COL7A1: variants seen among roughly 807,000 people sequenced by gnomAD.
COL7A1 encodes collagen alpha-1(VII) chain.
Under a neutral mutation model 456.2 loss-of-function variants are expected in COL7A1, and 296 were observed. The ratio of observed to expected loss-of-function variants is 0.65; its 90% CI spans 0.59 to 0.71. The LOEUF (loss-of-function observed/expected upper bound fraction) is 0.71, where lower values mean the gene tolerates loss of function less well. Among genes scored for constraint, COL7A1 ranks in the 30% least tolerant of loss-of-function variants. The pLI, the probability that COL7A1 is intolerant of heterozygous loss-of-function variation, is 0.00. For missense variants in COL7A1, 3,441 were observed against 4,017.2 expected (o/e 0.86, Z 3.88); for synonymous variants, 1,464 against 1,525.9 (o/e 0.96, Z 0.95).
In COL7A1 at chr3:48,585,257, G is replaced by T; in HGVS notation, c.3895-141C>A. On this transcript the variant is annotated intron_variant, in intron 32 of 118. Transcript: ENST00000681320. The surrounding 1 kb of genome is among the most constrained non-coding windows in gnomAD (Gnocchi z 4.5). Reference sequence around the variant, plus strand: ...ATTGGGGGTGGAACAGTGAGGCAGAGAAATGGCCCCTCAGAGCTTCACAGA... The same window carrying T: ...ATTGGGGGTGGAACAGTGAGGCAGATAAATGGCCCCTCAGAGCTTCACAGA... The T allele has an allele frequency of 1.2e-6, 1 of 867,310 alleles. No individual in the cohort carries two copies. Among genetic ancestry groups the T allele is most frequent in the Admixed American group, 2.3e-5 (1 of 43,314 alleles). 53.7% of individuals were successfully genotyped at this position (867,310 alleles called of 1,614,324 possible). A position where few individuals can be genotyped will look rare whatever the true frequency, so the allele number is the denominator to read the frequency against.
Position 48,570,550 on chromosome 3 carries a change from C to T in COL7A1, c.7345-50G>A. ...TCCTGTGGCTCTCAAAGCGCCTCCC[C>T]CAACACCCCACAGTGTGGCCCGCCC... On this transcript the variant is annotated intron_variant, in intron 96 of 118. Transcript: ENST00000681320. This position sits in a 1 kb window ranked among gnomAD's most constrained non-coding sequence, Gnocchi z 5.5. 1 of 1,613,866 alleles carries T rather than the reference C, an allele frequency of 6.2e-7. No homozygotes were observed. The highest frequency in any genetic ancestry group is 8.5e-7 in the Non-Finnish European group (1 of 1,179,860).
chr3:48,586,668 G>T lies in COL7A1; in HGVS notation c.3298C>A (p.His1100Asn). Residue 1100 changes from histidine (H) to asparagine (N), a missense_variant, in exon 26 of 119, where the codon CAT becomes AAT. His to Asn is a moderately conservative substitution (Grantham distance 68). This residue lies in a region of COL7A1 where 444 missense variants were observed against 427.6 expected (regional missense o/e 1.04). Transcript: ENST00000681320. The surrounding 1 kb of genome is among the most constrained non-coding windows in gnomAD (Gnocchi z 5.1). Reference sequence around the variant, plus strand: ...AGTGGGAACAGTGGGGAGGGCCGATGACTGTAAGACAGCAGGCCAACCTGG... The same window carrying T: ...AGTGGGAACAGTGGGGAGGGCCGATTACTGTAAGACAGCAGGCCAACCTGG... Reference protein sequence around the residue: ...AVQVGLLSYSHRPSPLFPLNG... With the variant: ...AVQVGLLSYSNRPSPLFPLNG... 1.9e-6 allele frequency: 3 copies of T among 1,603,380 alleles called. No individual in the cohort carries two copies. The South Asian group carries it at 3.3e-5, about 18-fold the overall frequency.
Position 48,580,210 on chromosome 3 carries a change from G to T in COL7A1, c.5097+90C>A. 6.4e-7 allele frequency: 1 copy of T among 1,555,150 alleles called. No homozygotes were observed. The highest frequency in any genetic ancestry group is 1.1e-5 in the South Asian group (1 of 87,272). ...GGTGGCCATCCATGCTTCCCACCTGGACCTCCAGACCCCTTGTGTGAAGGC... is the reference window on the plus strand; with the variant it reads ...GGTGGCCATCCATGCTTCCCACCTGTACCTCCAGACCCCTTGTGTGAAGGC... On this transcript the variant is annotated intron_variant, in intron 56 of 118. Transcript: ENST00000681320. The surrounding 1 kb of genome is among the most constrained non-coding windows in gnomAD (Gnocchi z 4.5).
rs144825552 is a variant in COL7A1 at position 48,586,186 on chromosome 3, G to A, written c.3611C>T (p.Ala1204Val). The A allele has an allele frequency of 7.6e-5, 123 of 1,613,370 alleles. 1 individual carries two copies. In the African/African-American group the frequency reaches 1.2e-3, roughly 16 times the overall value. Reference protein sequence around the residue: ...GADPEQLRRLAPGMDSVQTFF... With the variant: ...GADPEQLRRLVPGMDSVQTFF... ...GGTCTGGACAGAGTCCATACCCGGC[G>A]CCAAGCGACGCAGCTGCTCTGGGTC... The change falls in exon 28 of 119, where the codon GCG (alanine) becomes GTG (valine). Residue 1204 changes from alanine (A) to valine (V), a missense_variant. This residue lies in a region of COL7A1 where 2,084 missense variants were observed against 2,501.3 expected (regional missense o/e 0.83). Coordinates refer to ENST00000681320, the MANE Select transcript of COL7A1 (RefSeq NM_000094.4). This position sits in a 1 kb window ranked among gnomAD's most constrained non-coding sequence, Gnocchi z 5.1.
rs570498790 is a variant in COL7A1, at chr3:48,587,290, C to A, written c.3039G>T (p.Gln1013His). ...PQTLPGISSS[Q>H]RVTGLEPGVS... ...CGCCAGGCTCTAGCCCTGTCACCCG[C>A]TGGGAGCTTGAGATCCCTGGAAGTG... Residue 1013 changes from glutamine (Q) to histidine (H), a missense_variant, in exon 24 of 119, where the codon CAG becomes CAT. This residue lies in a region of COL7A1 where 444 missense variants were observed against 427.6 expected (regional missense o/e 1.04). Transcript: ENST00000681320. The surrounding 1 kb of genome is among the most constrained non-coding windows in gnomAD (Gnocchi z 6.1). The A allele has an allele frequency of 2.1e-5, 33 of 1,606,766 alleles. No homozygotes were observed. In the East Asian group the frequency reaches 6.5e-4, roughly 32 times the overall value.
At position 48,579,819 on chromosome 3, in the gene COL7A1, G is replaced by C. The variant is rs371686183; in HGVS notation, c.5125-5C>G. ...GGCTCCAGGTCCTGTGTCTACCTGT[G>C]GGGGGAATGACCAGTGAGAAGAATG... On this transcript the variant is annotated splice_polypyrimidine_tract_variant and splice_region_variant and intron_variant, in intron 57 of 118. Coordinates refer to ENST00000681320, the MANE Select transcript of COL7A1 (RefSeq NM_000094.4). This position sits in a 1 kb window ranked among gnomAD's most constrained non-coding sequence, Gnocchi z 4.4. 3.1e-6 allele frequency: 5 copies of C among 1,614,024 alleles called. No homozygotes were observed. Among genetic ancestry groups the C allele is most frequent in the East Asian group, 2.2e-5 (1 of 44,872 alleles).
chr3:48,566,846 T>C lies in COL7A1; in HGVS notation c.8226+61A>G. The C allele has an allele frequency of 6.3e-7, 1 of 1,578,344 alleles. No homozygotes were observed. Among genetic ancestry groups the C allele is most frequent in the South Asian group, 1.1e-5 (1 of 89,196 alleles). ...TTGGGGCAGGCAGGCTGGAAGATGG[T>C]TATGAGGTTGGAAGGGTAGGGAAGG... On this transcript the variant is annotated intron_variant, in intron 111 of 118. Transcript: ENST00000681320. This position sits in a 1 kb window ranked among gnomAD's most constrained non-coding sequence, Gnocchi z 5.9.
In COL7A1 at chr3:48,568,812, G is replaced by T. The variant is rs866072712; in HGVS notation, c.7730C>A (p.Pro2577Gln). Residue 2577 changes from proline (P) to glutamine (Q), a missense_variant, in exon 104 of 119, where the codon CCA becomes CAA. Physicochemically the swap from Pro to Gln is moderately conservative, Grantham distance 76. Transcript: ENST00000681320. This position sits in a 1 kb window ranked among gnomAD's most constrained non-coding sequence, Gnocchi z 5.2. ...EPGDKGSAGL[P>Q]GLRGLLGPQG... ...GGGTCCCAGGAGTCCACGCAGTCCT[G>T]GCAACCCGGCTGAGCCCTTGTCACC... The T allele has an allele frequency of 6.3e-7, 1 of 1,575,536 alleles. No individual in the cohort carries two copies. Among genetic ancestry groups the T allele is most frequent in the African/African-American group, 1.3e-5 (1 of 74,396 alleles).
chr3:48,564,653 G>T lies in COL7A1; in HGVS notation c.8818+130C>A. The T allele has an allele frequency of 1.7e-6, 2 of 1,161,466 alleles. No individual in the cohort carries two copies. The highest frequency in any genetic ancestry group is 2.4e-6 in the Non-Finnish European group (2 of 819,358). The allele number at this position is 1,161,466 out of a possible 1,614,324, so 71.9% of individuals were successfully genotyped here. A position where few individuals can be genotyped will look rare whatever the true frequency, so the allele number is the denominator to read the frequency against. The stretch of plus-strand genomic sequence containing the variant: ...CTCTTTGGTCTGGGCGTCTGCCCCA[G>T]GTCCCCTACTGCGAGGGAGCGTCTC... On this transcript the variant is annotated intron_variant, in intron 118 of 118. Coordinates refer to ENST00000681320, the MANE Select transcript of COL7A1 (RefSeq NM_000094.4). The surrounding 1 kb of genome is among the most constrained non-coding windows in gnomAD (Gnocchi z 6.0).
Position 48,567,664 on chromosome 3 carries a change from C to T in COL7A1, c.7984-28G>A, listed in dbSNP as rs750087257. On this transcript the variant is annotated intron_variant, in intron 108 of 118. Transcript: ENST00000681320. The surrounding 1 kb of genome is among the most constrained non-coding windows in gnomAD (Gnocchi z 4.3). ...GGAGAAAAAAAGACATGAACTTGGCCCCCGTCCACCCGTGGCCCCCTCATT... is the reference window on the plus strand; with the variant it reads ...GGAGAAAAAAAGACATGAACTTGGCTCCCGTCCACCCGTGGCCCCCTCATT... The T allele has an allele frequency of 1.9e-6, 3 of 1,614,088 alleles. No individual in the cohort carries two copies. In the East Asian group the frequency reaches 6.7e-5, roughly 36 times the overall value.
rs1373297424 is a variant in COL7A1, at chr3:48,591,882, C to T, written c.1357+16G>A. 4 of 1,614,206 alleles carry T rather than the reference C, an allele frequency of 2.5e-6. No homozygotes were observed. Among genetic ancestry groups the T allele is most frequent in the Non-Finnish European group, 3.4e-6 (4 of 1,180,026 alleles). On this transcript the variant is annotated intron_variant, in intron 11 of 118. Coordinates refer to ENST00000681320, the MANE Select transcript of COL7A1 (RefSeq NM_000094.4). This position sits in a 1 kb window ranked among gnomAD's most constrained non-coding sequence, Gnocchi z 7.0. ...TGCCCTGACCCTTGCCTGTCCATCC[C>T]TTCCCCCGCACTGACCAGTCTCACG...
Position 48,583,264 on chromosome 3 carries a change from C to T in COL7A1, c.4438-93G>A. The T allele has an allele frequency of 6.2e-7, 1 of 1,601,818 alleles. No homozygotes were observed. Among genetic ancestry groups the T allele is most frequent in the Non-Finnish European group, 8.5e-7 (1 of 1,172,324 alleles). ...CCAGACAAGGGGTCCCAAACTCCAA[C>T]CACCCCCTCCAAAACCACGACCTCT... On this transcript the variant is annotated intron_variant, in intron 42 of 118. Transcript: ENST00000681320. The surrounding 1 kb of genome is among the most constrained non-coding windows in gnomAD (Gnocchi z 5.1).
Position 48,565,379 on chromosome 3 carries a change from A to T in COL7A1, c.8527+31T>A. On this transcript the variant is annotated intron_variant, in intron 116 of 118. Transcript: ENST00000681320. This position sits in a 1 kb window ranked among gnomAD's most constrained non-coding sequence, Gnocchi z 4.5. ...CCATGTGCGTGTCTCGGCCCCACCC[A>T]TAGCTGCCCCACGGGTTCAGCTGTC... The T allele has an allele frequency of 6.3e-7, 1 of 1,584,392 alleles. No individual in the cohort carries two copies. The highest frequency in any genetic ancestry group is 8.6e-7 in the Non-Finnish European group (1 of 1,164,664).
Position 48,565,638 on chromosome 3 carries a change from G to A in COL7A1, c.8438C>T (p.Ser2813Leu), listed in dbSNP as rs778507083. The A allele has an allele frequency of 6.2e-7, 1 of 1,614,010 alleles. No individual in the cohort carries two copies. Among genetic ancestry groups the A allele is most frequent in the Non-Finnish European group, 8.5e-7 (1 of 1,179,996 alleles). Residue 2813 changes from serine to leucine, a missense_variant and splice_region_variant, in exon 115 of 119, where the codon TCA becomes TTA. By Grantham distance (145) the Ser-to-Leu change is moderately radical. Coordinates refer to ENST00000681320, the MANE Select transcript of COL7A1 (RefSeq NM_000094.4). This position sits in a 1 kb window ranked among gnomAD's most constrained non-coding sequence, Gnocchi z 4.5. ...TCTGGGAGTAGAAAACTACTCACGT[G>A]ATCCAGATGCGATGAACTGGCCCTG... ...ACQGQFIASG[S>L]RPLPSYAADT...
In COL7A1 at chr3:48,588,565, C is replaced by T; in HGVS notation, c.2587+77G>A. On this transcript the variant is annotated intron_variant, in intron 20 of 118. Coordinates refer to ENST00000681320, the MANE Select transcript of COL7A1 (RefSeq NM_000094.4). The surrounding 1 kb of genome is among the most constrained non-coding windows in gnomAD (Gnocchi z 4.6). Reference sequence around the variant, plus strand: ...TCACTACCAATCCTGGTCCTTTCTCCAATCCAGAGCACAAGCCCGGATCCC... The same window carrying T: ...TCACTACCAATCCTGGTCCTTTCTCTAATCCAGAGCACAAGCCCGGATCCC... 4 of 1,611,596 alleles carry T rather than the reference C, an allele frequency of 2.5e-6. No individual in the cohort carries two copies. The Admixed American group carries it at 6.7e-5, about 27-fold the overall frequency.
chr3:48,564,634 G>A lies in COL7A1; in HGVS notation c.8818+149C>T. The A allele has an allele frequency of 9.4e-7, 1 of 1,063,076 alleles. No individual in the cohort carries two copies. Among genetic ancestry groups the A allele is most frequent in the Non-Finnish European group, 1.4e-6 (1 of 730,300 alleles). The allele number at this position is 1,063,076 out of a possible 1,614,324, so 65.9% of individuals were successfully genotyped here. On this transcript the variant is annotated intron_variant, in intron 118 of 118. Coordinates refer to ENST00000681320, the MANE Select transcript of COL7A1 (RefSeq NM_000094.4). This position sits in a 1 kb window ranked among gnomAD's most constrained non-coding sequence, Gnocchi z 6.0. ...GCTGGGGCTCTATATTCAGCTCTTT[G>A]GTCTGGGCGTCTGCCCCAGGTCCCC...
rs748240180 is a variant in COL7A1, at chr3:48,592,462, G to A, written c.982C>T (p.Leu328=). 1.2e-6 allele frequency: 2 copies of A among 1,613,618 alleles called. No homozygotes were observed. Among genetic ancestry groups the A allele is most frequent in the South Asian group, 2.2e-5 (2 of 91,072 alleles). The change falls in exon 9 of 119, where the codon CTA becomes TTA. Residue 328 remains leucine (L), a synonymous_variant. Transcript: ENST00000681320. The surrounding 1 kb of genome is among the most constrained non-coding windows in gnomAD (Gnocchi z 7.6). ...TGGATGGTCAGTTCCGGCCCTTCTA[G>A]GGCAGCTGGGGGAGAGTCCCACCAG... ...AVSGTARTTA[L]EGPELTIQNT... is the part of the protein sequence containing the mutation.
At position 48,570,465 on chromosome 3, in the gene COL7A1, C is replaced by T. The variant is rs1175007785; in HGVS notation, c.7380G>A (p.Lys2460=). 5 of 1,614,066 alleles carry T rather than the reference C, an allele frequency of 3.1e-6. No individual in the cohort carries two copies. In the South Asian group the frequency reaches 5.5e-5, roughly 18 times the overall value. The change falls in exon 97 of 119, where the codon AAG becomes AAA. Residue 2460 remains lysine (K), a splice_region_variant and synonymous_variant. Transcript: ENST00000681320. The surrounding 1 kb of genome is among the most constrained non-coding windows in gnomAD (Gnocchi z 5.5). ...PPGASGLKGD[K]GDPGVGLPGP... is the part of the protein sequence containing the mutation. ...AGTCAGCAGCACTTGTCCCACCTAC[C>T]TTGTCTCCTTTGAGTCCAGAGGCCC...
chr3:48,579,216 G>A lies in COL7A1; in HGVS notation c.5369C>T (p.Ala1790Val), dbSNP rs2044547704. The change falls in exon 62 of 119, where the codon GCT becomes GTT. Residue 1790 changes from alanine to valine, a missense_variant. Ala to Val is a moderately conservative substitution (Grantham distance 64). This residue lies in a region of COL7A1 where 2,084 missense variants were observed against 2,501.3 expected (regional missense o/e 0.83). Transcript: ENST00000681320. This position sits in a 1 kb window ranked among gnomAD's most constrained non-coding sequence, Gnocchi z 4.4. ...ACTCACATTCGGCCCAGAGGGCCCA[G>A]CGGCTCCTGGTTTCCCATCCAGTCC... ...RSGLDGKPGA[A>V]GPSGPNGAAG... The A allele has an allele frequency of 6.2e-7, 1 of 1,613,526 alleles. No individual in the cohort carries two copies. Among genetic ancestry groups the A allele is most frequent in the Admixed American group, 1.7e-5 (1 of 60,016 alleles).
Sources: gnomAD v4.1 joint callset for allele counts on GRCh38, gnomAD v4.1.1 for gene constraint, gnomAD v4.1.1 regional missense constraint, Gnocchi (gnomAD v3.1) non-coding constraint, MANE v1.5 for transcripts, NCBI Gene and HGNC (gene_info 2026-07-23, HGNC 2026-07-21) for gene names.